The following TMEM198 variants were observed in gnomAD, a reference collection of about 807,000 sequenced individuals.
TMEM198 encodes the protein transmembrane protein 198.
In TMEM198, 21 loss-of-function variants were observed where a neutral mutation model predicts 31.5. That is an observed-to-expected ratio of 0.67 (90% CI 0.47 to 0.96). The LOEUF is 0.96. TMEM198 is among the 40% of genes least tolerant of loss of function. The pLI is 0.00. For synonymous variants in TMEM198, 211 were observed against 223.3 expected, an observed-to-expected ratio of 0.95 and a Z score of 0.49; for missense variants, 447 against 499.4, an observed-to-expected ratio of 0.89 and a Z score of 1.00.
intron 2 of TMEM198, among the ~76,000 whole-genome samples, chr2:219,546,951 C>T (rs1054562534): frequency 1.3e-5 from 2 of 151,784 alleles, no homozygotes; most frequent in African/African-American, 4.8e-5. Context: ...GCTAATTTTT[C>T]GTATTTTTAG....
At position 219,544,089 on chromosome 2, in the gene TMEM198, G is replaced by A. The variant is rs1306424889; in HGVS notation, c.-328G>A. 3 of 433,480 alleles carry A rather than the reference G, an allele frequency of 6.9e-6. No homozygotes were observed. The highest frequency in any genetic ancestry group is 1.4e-5 in the Non-Finnish European group (3 of 216,204). 26.9% of individuals were successfully genotyped at this position (433,480 alleles called of 1,614,324 possible). On this transcript the variant is annotated 5_prime_UTR_variant, in exon 1 of 5. The change abolishes an upstream ATG in the 5' untranslated region. Coordinates refer to ENST00000373883, the MANE Select transcript of TMEM198 (RefSeq NM_001005209.3). Reference sequence around the variant, plus strand: ...AAGGCCGCGGGCGGGCTCAGGGCATGGGGCCGCGGTTCTGGGGCGGCCCGA... The same window carrying A: ...AAGGCCGCGGGCGGGCTCAGGGCATAGGGCCGCGGTTCTGGGGCGGCCCGA...
rs1695522959 is a variant in TMEM198 at position 219,550,069 on chromosome 2, G to A, written c.*215G>A. 5 of 609,790 alleles carry A rather than the reference G, an allele frequency of 8.2e-6. No homozygotes were observed. Among genetic ancestry groups the A allele is most frequent in the South Asian group, 2.2e-5 (1 of 44,478 alleles). 37.8% of individuals were successfully genotyped at this position (609,790 alleles called of 1,614,324 possible). ...AAGAGGCTCCTGAGGAACTCGGGGTGTGAACCCCATTGGGGTGTGCTCAGG... is the reference window on the plus strand; with the variant it reads ...AAGAGGCTCCTGAGGAACTCGGGGTATGAACCCCATTGGGGTGTGCTCAGG... On this transcript the variant is annotated 3_prime_UTR_variant, in exon 5 of 5. Coordinates refer to ENST00000373883, the MANE Select transcript of TMEM198 (RefSeq NM_001005209.3).
chr2:219,549,295 CCT>C lies in TMEM198; in HGVS notation c.887_888del (p.Pro296ArgfsTer47). ...RAPPRPGPPD[P>X]AYRRRPVPIK... ...TCCTCCCAGGCCTGGGCCACCAGAC[CCT>C]GCTTATCGGCGCAGGCCAGTGCCCA... is the stretch of plus-strand genomic sequence containing the variant. On this transcript the variant is annotated frameshift_variant, in exon 4 of 5. Transcript: ENST00000373883. LOFTEE classifies it high-confidence loss of function. The C allele has an allele frequency of 6.2e-7, 1 of 1,613,910 alleles. No individual in the cohort carries two copies. Among genetic ancestry groups the C allele is most frequent in the Admixed American group, 1.7e-5 (1 of 60,032 alleles).
intron 2 of TMEM198, among the ~76,000 whole-genome samples, chr2:219,546,170 C>T (rs533613833): frequency 2.0e-5 from 3 of 152,144 alleles, no homozygotes; most frequent in African/African-American, 7.2e-5. Flanking sequence ...TACTTCCCCC[C>T]ACTCCTGGAA....
chr2:219,550,575 C>G lies in TMEM198; in HGVS notation c.*721C>G. ...TTACATCTTTTATAAATGTGCCAAA[C>G]TGTGTGGCCTCTGCCAGGAATGGTG... On this transcript the variant is annotated 3_prime_UTR_variant, in exon 5 of 5. Transcript: ENST00000373883. 1.8e-6 allele frequency: 1 copy of G among 543,384 alleles called. No homozygotes were observed. The highest frequency in any genetic ancestry group is 2.4e-5 in the South Asian group (1 of 40,976). The allele number at this position is 543,384 out of a possible 1,614,324, so 33.7% of individuals were successfully genotyped here. A position where few individuals can be genotyped will look rare whatever the true frequency, so the allele number is the denominator to read the frequency against.
intron 2 of TMEM198, 145 bp from the exon 3 acceptor site, chr2:219,547,361 C>A: frequency 1.6e-6 from 1 of 624,438 alleles, no homozygotes; most frequent in Non-Finnish European, 2.5e-6. Flanking sequence ...CTGATGCCGT[C>A]ATGACTCCAG....
In TMEM198 at chr2:219,547,809, G is replaced by C; in HGVS notation, c.470G>C (p.Gly157Ala). The C allele has an allele frequency of 6.3e-7, 1 of 1,591,754 alleles. No individual in the cohort carries two copies. The change falls in exon 3 of 5, where the codon GGC becomes GCC. Residue 157 changes from glycine (G) to alanine (A), a missense_variant. Gly to Ala is a moderately conservative substitution (Grantham distance 60). Transcript: ENST00000373883. ...WGPLGLLLGG[G>A]LLCALLTLRW... Reference sequence around the variant, plus strand: ...CCACTGGGGCTGTTGCTGGGGGGCGGCCTGCTCTGTGCCCTGCTCACTCTG... The same window carrying C: ...CCACTGGGGCTGTTGCTGGGGGGCGCCCTGCTCTGTGCCCTGCTCACTCTG...
chr2:219,547,560 T>G lies in TMEM198; in HGVS notation c.221T>G (p.Val74Gly), dbSNP rs145979116. The G allele has an allele frequency of 0.018, 26,973 of 1,462,656 alleles. 288 individuals carry two copies. The highest frequency in any genetic ancestry group is 0.022 in the Non-Finnish European group (23,999 of 1,103,890). The allele number at this position is 1,462,656 out of a possible 1,614,324, so 90.6% of individuals were successfully genotyped here. ...CTCACTGGGTTGCTGTTTGGCTCGG[T>G]GGTCATCTTCCTCCTCTGCTACCGA... ...LFLTGLLFGS[V>G]VIFLLCYRER... Residue 74 changes from valine to glycine, a missense_variant, in exon 3 of 5, where the codon GTG (valine) becomes GGG (glycine). Transcript: ENST00000373883.
intron 2 of TMEM198, among the ~76,000 whole-genome samples, chr2:219,546,210 GCTCT>G (rs911600562): frequency 8.6e-5 from 13 of 151,842 alleles, no homozygotes; most frequent in African/African-American, 3.1e-4. Context: ...TTTCTTTTTG[GCTCT>G]CTCTGACTCC....
chr2:219,544,150 A>C lies in TMEM198; in HGVS notation c.-267A>C, dbSNP rs1312898250. ...CTGCGCCTTCCCCTTCCTCAGGCCC[A>C]GCCCGAGTTCCCGGACGCCGCGGGA... is the stretch of plus-strand genomic sequence containing the variant. On this transcript the variant is annotated 5_prime_UTR_variant, in exon 1 of 5. Coordinates refer to ENST00000373883, the MANE Select transcript of TMEM198 (RefSeq NM_001005209.3). The C allele has an allele frequency of 2.2e-6, 1 of 457,462 alleles. No individual in the cohort carries two copies. The highest frequency in any genetic ancestry group is 2.4e-5 in the Admixed American group (1 of 42,540). The allele number at this position is 457,462 out of a possible 1,614,324, so 28.3% of individuals were successfully genotyped here.
intron 1 of TMEM198, 96 bp downstream of exon 1, chr2:219,544,473 C>T (rs1695350377): frequency 5.1e-6 from 3 of 585,234 alleles, no homozygotes; most frequent in Non-Finnish European, 9.3e-6. Context: ...CCCCCCGACT[C>T]CCGTCCCTCT....
chr2:219,548,994 G>T (rs12996978), intron 3 of TMEM198, 158 bp from the exon 4 acceptor site: 17 of 730,346 alleles, frequency 2.3e-5, no homozygotes, highest in Non-Finnish European at 3.7e-5. Context: ...TCCTCTGAGA[G>T]GTAGGAGACC....
intron 2 of TMEM198, 99 bp from the exon 3 acceptor site, chr2:219,547,407 C>G: frequency 1.0e-6 from 1 of 979,320 alleles, no homozygotes. Context: ...GTCTTTGTCT[C>G]TGGTTCCCCT....
rs750917211 is a variant in TMEM198 at position 219,547,726 on chromosome 2, C to T, written c.387C>T (p.Leu129=). The T allele has an allele frequency of 3.6e-5, 57 of 1,586,480 alleles. No homozygotes were observed. Among genetic ancestry groups the T allele is most frequent in the South Asian group, 5.6e-5 (5 of 89,840 alleles). ...TGGGGCTGCTGCTCGGCCTGCTGCT[C>T]GCAGCTGCTGCCCTGCTGGGCTCCG... ...FLVGLLLGLL[L]AAAALLGSAP... is the part of the protein sequence containing the mutation. The change falls in exon 3 of 5, where the codon CTC becomes CTT. Residue 129 remains leucine (L), a synonymous_variant. Coordinates refer to ENST00000373883, the MANE Select transcript of TMEM198 (RefSeq NM_001005209.3).
chr2:219,549,343 G>A lies in TMEM198; in HGVS notation c.934G>A (p.Val312Ile), dbSNP rs370257670. The change falls in exon 4 of 5, where the codon GTC becomes ATC. Residue 312 changes from valine to isoleucine, a missense_variant. Physicochemically the swap from Val to Ile is conservative, Grantham distance 29 (BLOSUM62 3). Transcript: ENST00000373883. ...GCCCATCAAACGCTTCAATGGAGAC[G>A]TCCTCTCCCCGGTGAGCTCCCTGAG... ...PVPIKRFNGD[V>I]LSPSYIQSFR... 11 of 1,612,316 alleles carry A rather than the reference G, an allele frequency of 6.8e-6. No homozygotes were observed. Among genetic ancestry groups the A allele is most frequent in the Middle Eastern group, 1.7e-4 (1 of 5,920 alleles).
chr2:219,543,804 C>T (rs989184672), upstream of TMEM198: 2 of 450,380 alleles, frequency 4.4e-6, no homozygotes, highest in Non-Finnish European at 7.9e-6. Context: ...TCCGACGTGT[C>T]ACTGCAAGGG....
At position 219,544,057 on chromosome 2, in the gene TMEM198, A is replaced by G. The variant is rs1379820297; in HGVS notation, c.-360A>G. On this transcript the variant is annotated 5_prime_UTR_variant, in exon 1 of 5. Coordinates refer to ENST00000373883, the MANE Select transcript of TMEM198 (RefSeq NM_001005209.3). ...GGAGCAGAGGCCGGAGCTGTCCATC[A>G]GCACCAAAGGCCGCGGGCGGGCTCA... is the stretch of plus-strand genomic sequence containing the variant. 2.6e-6 allele frequency: 1 copy of G among 392,128 alleles called. No homozygotes were observed. The highest frequency in any genetic ancestry group is 3.0e-5 in the Admixed American group (1 of 33,060). The allele number at this position is 392,128 out of a possible 1,614,324, so 24.3% of individuals were successfully genotyped here.
chr2:219,547,057 C>T (rs572817477), intron 2 of TMEM198, among the ~76,000 whole-genome samples: 3 of 152,064 alleles, frequency 2.0e-5, no homozygotes, highest in Admixed American at 6.6e-5. Flanking sequence ...CCACCACGCC[C>T]GGCCCTCGAG....
Position 219,548,081 on chromosome 2 carries a change from G to A in TMEM198, c.742G>A (p.Val248Met). The A allele has an allele frequency of 6.5e-7, 1 of 1,545,668 alleles. No homozygotes were observed. The highest frequency in any genetic ancestry group is 1.3e-5 in the African/African-American group (1 of 74,314). Reference protein sequence around the residue: ...VTAEGDSHTEVVISRQRRRVQ... With the variant: ...VTAEGDSHTEMVISRQRRRVQ... ...AGCTGAGGGGGACTCCCACACGGAAGGTAAGGGGGCACAGGCCAAGGTGGA... is the reference window on the plus strand; with the variant it reads ...AGCTGAGGGGGACTCCCACACGGAAAGTAAGGGGGCACAGGCCAAGGTGGA... Residue 248 changes from valine (V) to methionine (M), a missense_variant and splice_region_variant, in exon 3 of 5, where the codon GTG becomes ATG. Coordinates refer to ENST00000373883, the MANE Select transcript of TMEM198 (RefSeq NM_001005209.3).
Sources: allele counts gnomAD v4.1 joint callset (sites outside exome capture counted in the v4.1 genomes callset), GRCh38; gene constraint gnomAD v4.1.1; transcripts MANE v1.5; gene names NCBI Gene and HGNC (gene_info 2026-07-23, HGNC 2026-07-21).